The following EPHA6 variants were observed in gnomAD, a reference collection of about 807,000 sequenced individuals.
EPHA6 encodes the protein EPH receptor A6.
EPHA6 carries 50 observed loss-of-function variants against 112.0 expected under a neutral mutation model. The ratio of observed to expected loss-of-function variants is 0.45; its 90% CI spans 0.36 to 0.56. EPHA6 has a LOEUF of 0.56. Ranked by LOEUF, EPHA6 falls within the 20% of genes least tolerant of loss-of-function variation. The pLI is 0.00. For missense variants in EPHA6, 1,280 were observed against 1,417.4 expected (o/e 0.90, Z 1.56); for synonymous variants, 529 against 490.7 (o/e 1.08, Z -1.03).
At chr3:97,405,475 G>A (rs1235512778) in intron 6 of EPHA6, among the ~76,000 whole-genome samples, 1 of 151,984 alleles carries the variant, frequency 6.6e-6, no homozygotes, top group Non-Finnish European at 1.5e-5. Flanking sequence ...TTTTGTGTCA[G>A]ATTAAAGTAG....
At position 97,689,026 on chromosome 3, in the gene EPHA6, A is replaced by G. The variant is rs9844710; in HGVS notation, c.2785-31235A>G. Reference sequence around the variant, plus strand: ...CTTTCTTCAAAATTCTCCTCTCTATAAACTTTGACATGCCTCCTATTTGCT... The same window carrying G: ...CTTTCTTCAAAATTCTCCTCTCTATGAACTTTGACATGCCTCCTATTTGCT... On this transcript the variant is annotated intron_variant, in intron 14 of 17. Coordinates refer to ENST00000389672, the MANE Select transcript of EPHA6 (RefSeq NM_001080448.3). 3.6e-3 allele frequency among the ~76,000 whole-genome samples: 545 copies of G among 152,312 alleles called. 3 individuals carry two copies. Among genetic ancestry groups the G allele is most frequent in the African/African-American group, 0.012 (498 of 41,580 alleles).
At chr3:96,970,407 T>C (rs1318374017) in intron 2 of EPHA6, among the ~76,000 whole-genome samples, 10 of 152,010 alleles carry the variant, frequency 6.6e-5, no homozygotes, top group Admixed American at 6.6e-4. Flanking sequence ...TTCAGCTAAG[T>C]CATATGTTAT....
chr3:97,271,489 T>C (rs2079878440), intron 5 of EPHA6, among the ~76,000 whole-genome samples: 1 of 151,786 alleles, frequency 6.6e-6, no homozygotes. Flanking sequence ...TCCTGAGTAA[T>C]TATGATTACA....
intron 5 of EPHA6, among the ~76,000 whole-genome samples, chr3:97,324,681 G>C (rs181373885): frequency 6.6e-6 from 1 of 151,858 alleles, no homozygotes; most frequent in African/African-American, 2.4e-5. Context: ...TGGGATTATA[G>C]GCATCTGCCA....
chr3:97,475,502 AC>A, intron 8 of EPHA6, 42 bp downstream of exon 8: 1 of 1,374,060 alleles, frequency 7.3e-7, no homozygotes, highest in Admixed American at 1.9e-5. Context: ...TTTATGAATA[AC>A]CACTCTTTTT....
At chr3:96,834,576 A>G (rs927067829) in intron 1 of EPHA6, among the ~76,000 whole-genome samples, 2 of 152,004 alleles carry the variant, frequency 1.3e-5, no homozygotes, top group African/African-American at 2.4e-5. Context: ...TTTTCCTTCC[A>G]ACTCTAAGAA....
intron 6 of EPHA6, among the ~76,000 whole-genome samples, chr3:97,441,774 T>A (rs2090145725): frequency 6.6e-6 from 1 of 152,082 alleles, no homozygotes; most frequent in African/African-American, 2.4e-5. Context: ...GGAAAACCAC[T>A]GATAATTGCA....
chr3:97,423,777 C>T (rs2088872230), intron 6 of EPHA6, among the ~76,000 whole-genome samples: 1 of 152,108 alleles, frequency 6.6e-6, no homozygotes. Context: ...GCTACAATAA[C>T]CAAAACAGCA....
chr3:97,699,259 AAT>A (rs2033226293), intron 14 of EPHA6, among the ~76,000 whole-genome samples: 1 of 152,226 alleles, frequency 6.6e-6, no homozygotes, highest in Non-Finnish European at 1.5e-5. Flanking sequence ...GGACAGGTAT[AAT>A]ATATAGTTTC....
chr3:97,527,168 C>A (rs1182149534), intron 10 of EPHA6, among the ~76,000 whole-genome samples: 4 of 152,136 alleles, frequency 2.6e-5, no homozygotes, highest in Non-Finnish European at 5.9e-5. Flanking sequence ...TGATTCCTCC[C>A]AGCCCTTTGG....
At chr3:97,715,961 T>C (rs2034197763) in intron 14 of EPHA6, among the ~76,000 whole-genome samples, 1 of 152,250 alleles carries the variant, frequency 6.6e-6, no homozygotes, top group South Asian at 2.1e-4. Context: ...AAGTTTGCTC[T>C]GTAAGAGAAG....
At chr3:97,437,344 A>T (rs926932097) in intron 6 of EPHA6, among the ~76,000 whole-genome samples, 1 of 152,152 alleles carries the variant, frequency 6.6e-6, no homozygotes, top group Non-Finnish European at 1.5e-5. Context: ...GACCATGCAC[A>T]TGTTGCCTTT....
chr3:97,288,064 A>G (rs4574304), intron 5 of EPHA6, among the ~76,000 whole-genome samples: 7 of 130,910 alleles, frequency 5.3e-5, no homozygotes, highest in East Asian at 4.8e-4. Flanking sequence ...GACGTAAAAA[A>G]AAAAAAGAAA....
chr3:97,616,385 C>T (rs957395262), intron 13 of EPHA6, among the ~76,000 whole-genome samples: 1 of 152,182 alleles, frequency 6.6e-6, no homozygotes, highest in Non-Finnish European at 1.5e-5. Flanking sequence ...CTCCAAATGA[C>T]CACATTACCT....
Position 97,641,868 on chromosome 3 carries a change from C to T in EPHA6, c.2784+3786C>T, listed in dbSNP as rs369055780. Among the ~76,000 whole-genome samples, 164 of 151,860 alleles carry T rather than the reference C, an allele frequency of 1.1e-3. 3 individuals are homozygous for T. Among genetic ancestry groups the T allele is most frequent in the East Asian group, 9.8e-4 (5 of 5,090 alleles). On this transcript the variant is annotated intron_variant, in intron 14 of 17. Coordinates refer to ENST00000389672, the MANE Select transcript of EPHA6 (RefSeq NM_001080448.3). Reference sequence around the variant, plus strand: ...GGCGGCAGCGAGGCTGGGGGAGGGGCGCCCGCCATTGCCCAGGCTTGCTTA... The same window carrying T: ...GGCGGCAGCGAGGCTGGGGGAGGGGTGCCCGCCATTGCCCAGGCTTGCTTA...
intron 3 of EPHA6, among the ~76,000 whole-genome samples, chr3:97,066,391 A>G (rs1413056924): frequency 6.6e-6 from 1 of 152,206 alleles, no homozygotes; most frequent in African/African-American, 2.4e-5. Flanking sequence ...TGTATTAATT[A>G]AAGGTACTTT....
intron 3 of EPHA6, among the ~76,000 whole-genome samples, chr3:97,046,085 A>T (rs1409498675): frequency 1.3e-5 from 2 of 152,272 alleles, no homozygotes; most frequent in Middle Eastern, 6.8e-3. Context: ...TTCCTAACTT[A>T]TACAGCTAAT....
chr3:97,600,656 G>A (rs897859503), intron 12 of EPHA6, among the ~76,000 whole-genome samples: 38 of 152,056 alleles, frequency 2.5e-4, no homozygotes, highest in Non-Finnish European at 2.5e-4. Flanking sequence ...ATGTATGTAA[G>A]TGTTTACATA....
chr3:97,255,150 G>T (rs1576780966), intron 5 of EPHA6, among the ~76,000 whole-genome samples: 1 of 122,774 alleles, frequency 8.1e-6, no homozygotes. Flanking sequence ...TTGGATGTGT[G>T]TGTGTGTGTG....
Sources: gnomAD v4.1 joint callset for allele counts (sites outside exome capture counted in the v4.1 genomes callset) on GRCh38, gnomAD v4.1.1 for gene constraint, MANE v1.5 for transcripts, NCBI Gene and HGNC (gene_info 2026-07-23, HGNC 2026-07-21) for gene names.